Variants in CYP2C19 observed in about 807,000 individuals in gnomAD.
CYP2C19 encodes cytochrome P450 family 2 subfamily C member 19, also known as cytochrome P450 2C19.
A neutral mutation model predicts 40.9 loss-of-function variants in CYP2C19; 59 were observed. That is an observed-to-expected ratio of 1.44 (90% CI 1.17 to 1.79). The LOEUF (loss-of-function observed/expected upper bound fraction) is 1.79, where lower values mean the gene tolerates loss of function less well. Ranked by LOEUF, CYP2C19 falls within the 40% of genes most tolerant of loss-of-function variation. The probability of loss-of-function intolerance (pLI) is 0.00; values close to 1 mark genes in which losing one functional copy is unlikely to be tolerated. For synonymous variants in CYP2C19, 253 were observed against 208.7 expected, an observed-to-expected ratio of 1.21 and a Z score of -1.83; for missense variants, 754 against 596.9, an observed-to-expected ratio of 1.26 and a Z score of -2.74.
At chr10:94,766,938 A>G (rs937560371) in intron 1 of CYP2C19, among the ~76,000 whole-genome samples, 1 of 152,090 alleles carries the variant, frequency 6.6e-6, no homozygotes. Context: ...TTTGATCAAC[A>G]CTAGATCTCC....
At chr10:94,771,565 A>G (rs1235326007) in intron 1 of CYP2C19, among the ~76,000 whole-genome samples, 1 of 152,124 alleles carries the variant, frequency 6.6e-6, no homozygotes, top group Admixed American at 6.5e-5. Context: ...GAAAAAAATG[A>G]GCCACCTCTT....
intron 1 of CYP2C19, 129 bp downstream of exon 1, chr10:94,763,002 G>C: frequency 1.0e-6 from 1 of 982,326 alleles, no homozygotes. Context: ...AAAGGCTTTT[G>C]TTGCCTTTTC....
At chr10:94,797,137 A>G (rs1848700860) in intron 5 of CYP2C19, among the ~76,000 whole-genome samples, 1 of 152,036 alleles carries the variant, frequency 6.6e-6, no homozygotes, top group Admixed American at 6.5e-5. Context: ...TTTGTCATAA[A>G]TAGCTCTTAT....
intron 6 of CYP2C19, among the ~76,000 whole-genome samples, chr10:94,830,213 C>T (rs181099638): frequency 4.3e-4 from 66 of 152,348 alleles, no homozygotes; most frequent in Non-Finnish European, 5.7e-4. Context: ...GCTTTGTTTA[C>T]GTAATCAAGC....
chr10:94,830,814 CAGG>C (rs1412784670), intron 6 of CYP2C19, among the ~76,000 whole-genome samples: 3 of 151,628 alleles, frequency 2.0e-5, no homozygotes, highest in African/African-American at 4.9e-5. Flanking sequence ...TTGTGGGGTA[CAGG>C]AGATGTTTTG....
At chr10:94,852,167 T>C (rs1293799251) in intron 8 of CYP2C19, among the ~76,000 whole-genome samples, 2 of 152,050 alleles carry the variant, frequency 1.3e-5, no homozygotes, top group East Asian at 3.9e-4. Context: ...GGAAACAGAA[T>C]GTGAGGGTCC....
At chr10:94,835,623 G>A (rs184357973) in intron 6 of CYP2C19, among the ~76,000 whole-genome samples, 2 of 152,110 alleles carry the variant, frequency 1.3e-5, no homozygotes, top group African/African-American at 2.4e-5. Flanking sequence ...GTGTAAGACT[G>A]CCACCTCTTT....
chr10:94,843,951 A>G (rs892756309), intron 7 of CYP2C19, among the ~76,000 whole-genome samples: 6 of 152,224 alleles, frequency 3.9e-5, no homozygotes, highest in African/African-American at 1.2e-4. Context: ...CCTCACATAT[A>G]TATAGAAATA....
At chr10:94,821,085 A>G (rs1849113805) in intron 6 of CYP2C19, among the ~76,000 whole-genome samples, 2 of 152,132 alleles carry the variant, frequency 1.3e-5, no homozygotes, top group Non-Finnish European at 1.5e-5. Flanking sequence ...CCTGTCTCAG[A>G]AAAGAAAAAA....
At chr10:94,844,376 G>A (rs774927797) in intron 7 of CYP2C19, among the ~76,000 whole-genome samples, 10 of 152,110 alleles carry the variant, frequency 6.6e-5, no homozygotes, top group South Asian at 2.1e-4. Flanking sequence ...GAACCCAGTC[G>A]AAAATTGACT....
intron 5 of CYP2C19, among the ~76,000 whole-genome samples, chr10:94,788,289 G>A (rs1030493983): frequency 6.6e-6 from 1 of 151,970 alleles, no homozygotes; most frequent in Non-Finnish European, 1.5e-5. Flanking sequence ...GGTTCTTTAG[G>A]GTTTTCTAGG....
At chr10:94,827,483 G>T (rs1469143415) in intron 6 of CYP2C19, among the ~76,000 whole-genome samples, 4 of 152,146 alleles carry the variant, frequency 2.6e-5, no homozygotes, top group African/African-American at 9.6e-5. Flanking sequence ...ATGGTAGTTT[G>T]TATTTCTGTG....
At chr10:94,829,084 G>T (rs1402846502) in intron 6 of CYP2C19, among the ~76,000 whole-genome samples, 16 of 152,070 alleles carry the variant, frequency 1.1e-4, no homozygotes, top group Admixed American at 1.0e-3. Flanking sequence ...TTTCTCTCTG[G>T]CTGCCCTTAA....
At position 94,853,015 on chromosome 10, in the gene CYP2C19, C is replaced by T; in HGVS notation, c.*101C>T. On this transcript the variant is annotated 3_prime_UTR_variant, in exon 9 of 9. Coordinates refer to ENST00000371321, the MANE Select transcript of CYP2C19 (RefSeq NM_000769.4). ...TGATGCTTCTTCTGACCCGTCATCT[C>T]ACATTTTCCCTTCCCCCAAGATCTA... 7.8e-7 allele frequency: 1 copy of T among 1,289,684 alleles called. No individual in the cohort carries two copies. Among genetic ancestry groups the T allele is most frequent in the Non-Finnish European group, 1.1e-6 (1 of 923,930 alleles). The allele number at this position is 1,289,684 out of a possible 1,614,324, so 79.9% of individuals were successfully genotyped here.
At chr10:94,848,956 A>G (rs1004408308) in intron 7 of CYP2C19, among the ~76,000 whole-genome samples, 10 of 152,138 alleles carry the variant, frequency 6.6e-5, no homozygotes, top group Non-Finnish European at 1.2e-4. Flanking sequence ...GAAGTTGTTT[A>G]TCAGCTTAAG....
intron 6 of CYP2C19, among the ~76,000 whole-genome samples, chr10:94,829,009 T>C (rs1377272491): frequency 2.0e-5 from 3 of 152,158 alleles, no homozygotes; most frequent in Non-Finnish European, 4.4e-5. Context: ...TCTTCTGGCT[T>C]GTAGAGTTTC....
intron 5 of CYP2C19, among the ~76,000 whole-genome samples, chr10:94,794,864 T>G (rs985607712): frequency 1.3e-5 from 2 of 152,030 alleles, no homozygotes; most frequent in Non-Finnish European, 2.9e-5. Flanking sequence ...ACAATTTAAC[T>G]TCCTCTTTTC....
chr10:94,845,623 CAT>C (rs1347597085), intron 7 of CYP2C19, among the ~76,000 whole-genome samples: 1 of 152,080 alleles, frequency 6.6e-6, no homozygotes, highest in African/African-American at 2.4e-5. Flanking sequence ...ACATCAATGA[CAT>C]GTTTCAAATT....
chr10:94,846,782 C>T (rs1377278547), intron 7 of CYP2C19, among the ~76,000 whole-genome samples: 1 of 151,320 alleles, frequency 6.6e-6, no homozygotes, highest in Admixed American at 6.6e-5. Context: ...TGGTGTGCTG[C>T]ACCCATTAAC....
Sources: gnomAD v4.1 joint callset for allele counts (sites outside exome capture counted in the v4.1 genomes callset) on GRCh38, gnomAD v4.1.1 for gene constraint, MANE v1.5 for transcripts, NCBI Gene and HGNC (gene_info 2026-07-23, HGNC 2026-07-21) for gene names.